ENTREP1: variants seen among roughly 807,000 people sequenced by gnomAD.
ENTREP1 encodes Friedreich ataxia region gene X123.
At chr9:69,326,404 T>C in the ENTREP1 span, among the ~76,000 whole-genome samples, 2 of 152,054 alleles carry the variant, frequency 1.3e-5, no homozygotes, top group African/African-American at 4.8e-5. Context: ...GACCTGTCAT[T>C]ATGGATGAGC....
At chr9:69,389,296 A>C in the ENTREP1 span, among the ~76,000 whole-genome samples, 1 of 152,272 alleles carries the variant, frequency 6.6e-6, no homozygotes, top group African/African-American at 2.4e-5. Flanking sequence ...AAGTGGGCTA[A>C]TTTCTCAGGG....
the ENTREP1 span, among the ~76,000 whole-genome samples, chr9:69,374,717 G>T: frequency 6.6e-6 from 1 of 152,176 alleles, no homozygotes; most frequent in Admixed American, 6.5e-5. Flanking sequence ...GTGACAGGGG[G>T]AAGACAAAGA....
chr9:69,325,608 T>C, the ENTREP1 span: 3 of 1,229,450 alleles, frequency 2.4e-6, no homozygotes, highest in Non-Finnish European at 3.0e-6. Context: ...CTGCTGTCAC[T>C]TGGGCTGCTT....
At chr9:69,391,990 G>C in the ENTREP1 span, 4 of 616,824 alleles carry the variant, frequency 6.5e-6, no homozygotes, top group African/African-American at 7.4e-5. Context: ...GTCCAGGCCC[G>C]TCTGGGTTTG....
At chr9:69,365,627 T>A in the ENTREP1 span, among the ~76,000 whole-genome samples, 1 of 152,134 alleles carries the variant, frequency 6.6e-6, no homozygotes, top group African/African-American at 2.4e-5. Context: ...TTCTATCTAA[T>A]TGTGTTTGTA....
chr9:69,325,299 C>T, the ENTREP1 span: 6 of 1,183,694 alleles, frequency 5.1e-6, no homozygotes, highest in African/African-American at 6.4e-5. Context: ...CGCACCCTTC[C>T]CCGTCCGTCC....
the ENTREP1 span, among the ~76,000 whole-genome samples, chr9:69,365,371 G>A: frequency 2.0e-5 from 3 of 151,984 alleles, no homozygotes; most frequent in African/African-American, 7.3e-5. Flanking sequence ...ACTCAATGCA[G>A]TTTTAAAAAA....
chr9:69,371,575 C>T, the ENTREP1 span: 1 of 1,613,686 alleles, frequency 6.2e-7, no homozygotes, highest in South Asian at 1.1e-5. Context: ...TGCCAAGGGG[C>T]CCAGTTTGTG....
At chr9:69,335,834 A>ATGCGCCTATAGTCCTGACG in the ENTREP1 span, among the ~76,000 whole-genome samples, 1 of 147,096 alleles carries the variant, frequency 6.8e-6, no homozygotes, top group African/African-American at 2.5e-5. Context: ...GTGTGGTGAC[A>ATGCGCCTATAGTCCTGACG]TGCGCCTGTA....
At chr9:69,374,376 C>T in the ENTREP1 span, among the ~76,000 whole-genome samples, 7 of 152,002 alleles carry the variant, frequency 4.6e-5, no homozygotes, top group African/African-American at 1.7e-4. Flanking sequence ...TACCTAGGCA[C>T]GGAGCTGCTG....
At chr9:69,382,704 G>C in the ENTREP1 span, 3 of 152,156 alleles carry the variant, frequency 2.0e-5, no homozygotes, top group African/African-American at 4.8e-5. Context: ...ATCACATTTT[G>C]TATATAGCCA....
chr9:69,350,989 G>A, the ENTREP1 span, among the ~76,000 whole-genome samples: 1 of 152,174 alleles, frequency 6.6e-6, no homozygotes, highest in African/African-American at 2.4e-5. Context: ...TAACGAGGGA[G>A]CACTTGTTCA....
chr9:69,372,630 A>G, the ENTREP1 span, among the ~76,000 whole-genome samples: 1 of 152,228 alleles, frequency 6.6e-6, no homozygotes, highest in Admixed American at 6.5e-5. Context: ...TATTGTGAAT[A>G]ACATTGCAAC....
the ENTREP1 span, among the ~76,000 whole-genome samples, chr9:69,333,887 A>ATATG: frequency 2.0e-5 from 3 of 152,244 alleles, no homozygotes; most frequent in Non-Finnish European, 2.9e-5. Flanking sequence ...ATGTGCACAC[A>ATATG]CATGCAAGCA....
the ENTREP1 span, among the ~76,000 whole-genome samples, chr9:69,384,313 C>T: frequency 6.6e-6 from 1 of 152,086 alleles, no homozygotes; most frequent in South Asian, 2.1e-4. Flanking sequence ...AAAATACCAT[C>T]AACTATTAGG....
the ENTREP1 span, chr9:69,391,732 G>A: frequency 1.9e-6 from 3 of 1,614,002 alleles, no homozygotes; most frequent in Admixed American, 5.0e-5. Context: ...CCCGAGCCGA[G>A]AGGAGGCCCC....
At chr9:69,335,499 G>A in the ENTREP1 span, among the ~76,000 whole-genome samples, 2 of 152,180 alleles carry the variant, frequency 1.3e-5, no homozygotes, top group Admixed American at 1.3e-4. Context: ...AGCCTGGTTG[G>A]CCTGAGGGAG....
At chr9:69,378,543 A>C in the ENTREP1 span, among the ~76,000 whole-genome samples, 1 of 151,924 alleles carries the variant, frequency 6.6e-6, no homozygotes, top group African/African-American at 2.4e-5. Context: ...TGAGGCGGGC[A>C]GATCATGAGG....
At chr9:69,335,861 G>GTAGTCCTGACGTGCGCCTGTAGT in the ENTREP1 span, among the ~76,000 whole-genome samples, 2 of 152,270 alleles carry the variant, frequency 1.3e-5, no homozygotes, top group African/African-American at 4.8e-5. Context: ...ACGTGCGCCT[G>GTAGTCCTGACGTGCGCCTGTAGT]TAGTCCTAGC....
Sources: allele counts gnomAD v4.1 joint callset (sites outside exome capture counted in the v4.1 genomes callset), GRCh38; gene constraint gnomAD v4.1.1; transcripts MANE v1.5; gene names NCBI Gene and HGNC (gene_info 2026-07-23, HGNC 2026-07-21).